The following CHL1 variants were observed in gnomAD, a reference collection of about 807,000 sequenced individuals.
CHL1 encodes the protein neural cell adhesion molecule L1-like protein.
CHL1 carries 96 observed loss-of-function variants against 141.9 expected under a neutral mutation model. The observed-to-expected ratio is 0.68, with a 90% CI of 0.57 to 0.80. The LOEUF is 0.80. Ranked by LOEUF, CHL1 falls within the 30% of genes least tolerant of loss-of-function variation. CHL1 has a pLI of 0.00. For synonymous variants in CHL1, 613 were observed against 502.2 expected (o/e 1.22, Z -2.95); for missense variants, 1,820 against 1,457.2 (o/e 1.25, Z -4.05).
intron 4 of CHL1, among the ~76,000 whole-genome samples, chr3:327,845 A>T (rs1701130121): frequency 6.6e-6 from 1 of 151,930 alleles, no homozygotes; most frequent in Non-Finnish European, 1.5e-5. Flanking sequence ...CATGAACAGA[A>T]ATTATATATG....
chr3:228,927 GA>G (rs201083297), intron 1 of CHL1, among the ~76,000 whole-genome samples: 28 of 150,692 alleles, frequency 1.9e-4, no homozygotes, highest in African/African-American at 4.6e-4. Flanking sequence ...TTTACAGAAG[GA>G]AAAAAAAACT....
At chr3:363,764 A>G (rs1704530594) in intron 14 of CHL1, 1 of 164,310 alleles carries the variant, frequency 6.1e-6, no homozygotes, top group Non-Finnish European at 1.3e-5. Flanking sequence ...TCATAACTTT[A>G]TAATGACTGA....
In CHL1 at chr3:376,197, GT is replaced by G. The variant is rs144299652; in HGVS notation, c.1752-1617del. 2.6e-3 allele frequency among the ~76,000 whole-genome samples: 397 copies of G among 152,282 alleles called. 7 individuals carry two copies. The East Asian group carries it at 0.061, about 23-fold the overall frequency. ...TAATGTGAGGGAGGAATAAGTGACT[GT>G]TTTCTTGGGCATGGGGAATTTGGAG... On this transcript the variant is annotated intron_variant, in intron 15 of 27. Coordinates refer to ENST00000256509, the MANE Select transcript of CHL1 (RefSeq NM_006614.4).
At chr3:378,437 T>C (rs892434834) in intron 16 of CHL1, among the ~76,000 whole-genome samples, 1 of 152,158 alleles carries the variant, frequency 6.6e-6, no homozygotes, top group African/African-American at 2.4e-5. Flanking sequence ...ATTTTTGTCG[T>C]TGTTGTTGTT....
chr3:408,012 T>C lies in CHL1; in HGVS notation c.*2301T>C, dbSNP rs1320565256. ...CTGGGACTCTTCAGCACAAAAGGAA[T>C]AGATCTATGATTGACCCTGATTTTA... On this transcript the variant is annotated 3_prime_UTR_variant, in exon 28 of 28. Transcript: ENST00000256509. 1 of 152,122 alleles carries C rather than the reference T, an allele frequency of 6.6e-6. No homozygotes were observed. Among genetic ancestry groups the C allele is most frequent in the Admixed American group, 6.6e-5 (1 of 15,252 alleles). The allele number at this position is 152,122 out of a possible 1,614,324, so 9.4% of individuals were successfully genotyped here.
intron 19 of CHL1, among the ~76,000 whole-genome samples, chr3:388,065 T>C (rs1707901719): frequency 6.6e-6 from 1 of 152,258 alleles, no homozygotes; most frequent in African/African-American, 2.4e-5. Flanking sequence ...TTACTGTTTA[T>C]ATAAGTGAAC....
In CHL1 at chr3:307,743, A is replaced by G. The variant is rs559288374; in HGVS notation, c.-94-11940A>G. The stretch of plus-strand genomic sequence containing the variant: ...TTACACACTTAACATACTTTACGAA[A>G]TAAAGATACCTGAAGTACATGTAGT... On this transcript the variant is annotated intron_variant, in intron 2 of 27. Coordinates refer to ENST00000256509, the MANE Select transcript of CHL1 (RefSeq NM_006614.4). Among the ~76,000 whole-genome samples the G allele has an allele frequency of 1.3e-4, 20 of 152,324 alleles. No homozygotes were observed. In the South Asian group the frequency reaches 4.1e-3, roughly 32 times the overall value.
intron 2 of CHL1, among the ~76,000 whole-genome samples, chr3:284,049 A>G (rs1696901340): frequency 6.6e-6 from 1 of 152,252 alleles, no homozygotes; most frequent in African/African-American, 2.4e-5. Context: ...TGTACCAATT[A>G]TCCACTAAGT....
intron 2 of CHL1, among the ~76,000 whole-genome samples, chr3:296,420 G>T (rs901115484): frequency 6.2e-5 from 8 of 128,192 alleles, no homozygotes; most frequent in Non-Finnish European, 1.1e-4. Context: ...AAATCCTGTC[G>T]CCTTTCTCTC....
intron 22 of CHL1, 101 bp from the exon 23 acceptor site, chr3:391,574 G>C (rs1242399248): frequency 4.0e-5 from 30 of 759,262 alleles, no homozygotes; most frequent in Non-Finnish European, 4.8e-5. Context: ...ATTTACTTCA[G>C]ATGAGTTTGC....
chr3:321,423 C>T (rs558348809), intron 3 of CHL1, among the ~76,000 whole-genome samples: 1 of 152,140 alleles, frequency 6.6e-6, no homozygotes, highest in Admixed American at 6.6e-5. Context: ...GTCTAAAGTA[C>T]CTTCATCTTT....
intron 15 of CHL1, among the ~76,000 whole-genome samples, chr3:370,206 G>A (rs1300566534): frequency 6.6e-6 from 1 of 152,102 alleles, no homozygotes; most frequent in Non-Finnish European, 1.5e-5. Flanking sequence ...GGTAGAATTC[G>A]GCTGTCAATC....
At chr3:347,128 T>C (rs1702833744) in intron 9 of CHL1, among the ~76,000 whole-genome samples, 1 of 152,162 alleles carries the variant, frequency 6.6e-6, no homozygotes, top group Admixed American at 6.5e-5. Flanking sequence ...ACTTATAAAA[T>C]GGCCATAGAT....
intron 2 of CHL1, among the ~76,000 whole-genome samples, chr3:312,326 C>T (rs1023441785): frequency 7.9e-5 from 12 of 152,214 alleles, no homozygotes; most frequent in Middle Eastern, 3.4e-3. Context: ...CGTGTCACTG[C>T]GGTGTTATGA....
intron 5 of CHL1, among the ~76,000 whole-genome samples, chr3:337,784 TG>T (rs1387250882): frequency 6.6e-6 from 1 of 152,216 alleles, no homozygotes; most frequent in African/African-American, 2.4e-5. Context: ...CCAGGACATT[TG>T]GGTTGGTTGC....
At chr3:255,821 G>C (rs1263571530) in intron 2 of CHL1, among the ~76,000 whole-genome samples, 1 of 152,162 alleles carries the variant, frequency 6.6e-6, no homozygotes, top group Non-Finnish European at 1.5e-5. Context: ...AGTGGATGGA[G>C]CCCAGGTAGC....
intron 5 of CHL1, among the ~76,000 whole-genome samples, chr3:338,224 G>T (rs547259270): frequency 6.6e-6 from 1 of 152,170 alleles, no homozygotes; most frequent in Non-Finnish European, 1.5e-5. Context: ...GTCCAGTCTT[G>T]TTGAAACAAA....
At chr3:230,716 A>G (rs1701780983) in intron 1 of CHL1, among the ~76,000 whole-genome samples, 1 of 152,216 alleles carries the variant, frequency 6.6e-6, no homozygotes, top group Non-Finnish European at 1.5e-5. Flanking sequence ...TTTAATTTAA[A>G]AATCATTTTT....
chr3:232,346 TGTC>T (rs1701939576), intron 1 of CHL1, among the ~76,000 whole-genome samples: 1 of 152,200 alleles, frequency 6.6e-6, no homozygotes, highest in South Asian at 2.1e-4. Flanking sequence ...TTTTGGGAAT[TGTC>T]ATTGAATTTG....
Sources: allele counts gnomAD v4.1 joint callset (sites outside exome capture counted in the v4.1 genomes callset), GRCh38; gene constraint gnomAD v4.1.1; transcripts MANE v1.5; gene names NCBI Gene and HGNC (gene_info 2026-07-23, HGNC 2026-07-21).